Variants in SLC17A1 observed in about 807,000 individuals in gnomAD.
SLC17A1 encodes sodium-dependent phosphate transport protein 1.
In SLC17A1, 51 loss-of-function variants were observed where a neutral mutation model predicts 53.5. That is an observed-to-expected ratio of 0.95 (90% confidence interval 0.76 to 1.20). The LOEUF is 1.20. Among genes scored for constraint, SLC17A1 ranks in the 50% most tolerant of loss-of-function variants. The probability of loss-of-function intolerance (pLI) is 0.00; values close to 1 mark genes in which losing one functional copy is unlikely to be tolerated. For synonymous variants in SLC17A1, 179 were observed against 198.8 expected (o/e 0.90, Z 0.84); for missense variants, 538 against 568.2 (o/e 0.95, Z 0.54).
chr6:25,732,051 T>G, the SLC17A1 span: 1 of 1,285,128 alleles, frequency 7.8e-7, no homozygotes, highest in Non-Finnish European at 1.1e-6. Flanking sequence ...GTAAATAGAA[T>G]AGCTCTCTTT....
chr6:25,764,470 C>T, the SLC17A1 span, among the ~76,000 whole-genome samples: 2 of 152,204 alleles, frequency 1.3e-5, no homozygotes, highest in African/African-American at 4.8e-5. Context: ...TGAGAAAGTA[C>T]TTCCAACTAG....
chr6:25,828,401 T>C lies in SLC17A1; in HGVS notation c.35-1768A>G, dbSNP rs188746790. 5.8e-4 allele frequency among the ~76,000 whole-genome samples: 89 copies of C among 152,246 alleles called. 1 individual carries two copies. The highest frequency in any genetic ancestry group is 5.6e-3 in the South Asian group (27 of 4,824). On this transcript the variant is annotated intron_variant, in intron 2 of 12. Coordinates refer to ENST00000244527, the MANE Select transcript of SLC17A1 (RefSeq NM_005074.5). ...TTCATAGTTAACTAAGAATTTTTTA[T>C]TGCAAATAAATATTAATATCATAAA...
the SLC17A1 span, among the ~76,000 whole-genome samples, chr6:25,735,034 A>G: frequency 6.6e-6 from 1 of 152,208 alleles, no homozygotes. Context: ...AAGTTTCAAA[A>G]AATATCATTT....
chr6:25,763,453 CA>C, the SLC17A1 span, among the ~76,000 whole-genome samples: 3 of 152,134 alleles, frequency 2.0e-5, no homozygotes, highest in Non-Finnish European at 4.4e-5. Flanking sequence ...AGTTGGTGTC[CA>C]ACATCAGTTT....
the SLC17A1 span, among the ~76,000 whole-genome samples, chr6:25,730,744 T>G: frequency 6.6e-6 from 1 of 152,224 alleles, no homozygotes; most frequent in African/African-American, 2.4e-5. Context: ...AATACACAAT[T>G]TTTGTCAATT....
At chr6:25,755,387 C>T in the SLC17A1 span, among the ~76,000 whole-genome samples, 1 of 152,104 alleles carries the variant, frequency 6.6e-6, no homozygotes, top group African/African-American at 2.4e-5. Context: ...TGAATAAGAG[C>T]CATGGGCTGT....
At chr6:25,812,346 GT>G (rs988057447) in intron 8 of SLC17A1, among the ~76,000 whole-genome samples, 7 of 152,172 alleles carry the variant, frequency 4.6e-5, no homozygotes, top group Non-Finnish European at 7.3e-5. Flanking sequence ...GAGTTTGCCC[GT>G]ATCAGTGATT....
Position 25,811,651 on chromosome 6 carries a change from G to C in SLC17A1, c.1017C>G (p.Leu339=), listed in dbSNP as rs770538448. ...NILSVIAVRK[L]FTAAGFLLPA... ...GCTGTTGCTTACCTGCTGCTGTGAA[G>C]AGTTTCCGGACAGCAATTACGCTGA... Residue 339 remains leucine, a synonymous_variant, in exon 9 of 13, where the codon CTC becomes CTG. Transcript: ENST00000244527. The C allele has an allele frequency of 1.9e-6, 3 of 1,613,934 alleles. No homozygotes were observed. The highest frequency in any genetic ancestry group is 2.5e-6 in the Non-Finnish European group (3 of 1,179,868).
chr6:25,769,383 A>G, the SLC17A1 span, among the ~76,000 whole-genome samples: 1 of 152,034 alleles, frequency 6.6e-6, no homozygotes, highest in Non-Finnish European at 1.5e-5. Context: ...TGGGAGGGTG[A>G]GGCATCTTTA....
chr6:25,830,097 T>A (rs892712097), intron 2 of SLC17A1, among the ~76,000 whole-genome samples: 1 of 152,148 alleles, frequency 6.6e-6, no homozygotes, highest in African/African-American at 2.4e-5. Flanking sequence ...TTTATTGTCA[T>A]TACACTACCC....
chr6:25,740,778 G>T, the SLC17A1 span, among the ~76,000 whole-genome samples: 28 of 152,282 alleles, frequency 1.8e-4, no homozygotes, highest in South Asian at 3.1e-3. Flanking sequence ...ATCAACTTAA[G>T]TGTCCATCAA....
intron 7 of SLC17A1, 47 bp downstream of exon 7, chr6:25,813,048 T>C (rs1764214753): frequency 6.2e-7 from 1 of 1,612,206 alleles, no homozygotes; most frequent in South Asian, 1.1e-5. Flanking sequence ...ACATGTTTAG[T>C]TTGGAGTAGA....
downstream of SLC17A1, chr6:25,781,268 CA>C (rs1581439897): frequency 7.0e-6 from 1 of 143,672 alleles, no homozygotes; most frequent in African/African-American, 2.6e-5. Flanking sequence ...GAAAGAAAAA[CA>C]AAAGAAAGAA....
the SLC17A1 span, chr6:25,773,643 T>A: frequency 6.2e-7 from 1 of 1,613,792 alleles, no homozygotes; most frequent in Non-Finnish European, 8.5e-7. Flanking sequence ...CCAACGTACA[T>A]CAGCTCGGTA....
At chr6:25,725,894 G>A in the SLC17A1 span, among the ~76,000 whole-genome samples, 2 of 152,150 alleles carry the variant, frequency 1.3e-5, no homozygotes, top group South Asian at 2.1e-4. Flanking sequence ...CTCGCCCAGT[G>A]ACATATATAA....
intron 3 of SLC17A1, among the ~76,000 whole-genome samples, chr6:25,820,897 CAAAAAAA>C (rs59962368): frequency 3.2e-5 from 2 of 62,222 alleles, no homozygotes; most frequent in Non-Finnish European, 6.1e-5. Flanking sequence ...GACTCCATCT[CAAAAAAA>C]AAAAAAAAAA....
chr6:25,826,884 C>A (rs570955675), intron 2 of SLC17A1, among the ~76,000 whole-genome samples: 3 of 152,080 alleles, frequency 2.0e-5, no homozygotes, highest in Admixed American at 1.3e-4. Flanking sequence ...AGTTCTTTGG[C>A]TCAAGTCTAT....
the SLC17A1 span, chr6:25,776,509 C>T: frequency 2.7e-6 from 4 of 1,488,226 alleles, no homozygotes; most frequent in Non-Finnish European, 3.6e-6. Flanking sequence ...AGAAAAGCCA[C>T]AAATGTGGAC....
the SLC17A1 span, among the ~76,000 whole-genome samples, chr6:25,767,007 C>A: frequency 6.6e-6 from 1 of 152,000 alleles, no homozygotes; most frequent in Non-Finnish European, 1.5e-5. Context: ...TTATTAATTG[C>A]AACAAATGCA....
Sources: gnomAD v4.1 joint callset for allele counts (sites outside exome capture counted in the v4.1 genomes callset) on GRCh38, gnomAD v4.1.1 for gene constraint, MANE v1.5 for transcripts, NCBI Gene and HGNC (gene_info 2026-07-23, HGNC 2026-07-21) for gene names.